The following DPYSL5 variants were observed in gnomAD, a reference collection of about 807,000 sequenced individuals.
DPYSL5 encodes the protein dihydropyrimidinase-related protein 5.
A neutral mutation model predicts 58.4 loss-of-function variants in DPYSL5; 9 were observed. That is an observed-to-expected ratio of 0.15 (90% CI 0.09 to 0.27). DPYSL5 has a LOEUF of 0.27. Among genes scored for constraint, DPYSL5 ranks in the 10% least tolerant of loss-of-function variants. DPYSL5 has a pLI of 1.00. For missense variants in DPYSL5, 499 were observed against 770.6 expected (o/e 0.65, Z 4.17); for synonymous variants, 293 against 301.9 (o/e 0.97, Z 0.31).
At chr2:26,885,544 C>T (rs1663695553) in intron 1 of DPYSL5, among the ~76,000 whole-genome samples, 1 of 152,178 alleles carries the variant, frequency 6.6e-6, no homozygotes, top group Non-Finnish European at 1.5e-5. Context: ...CTGCCCCGCC[C>T]CTGGGTTAAT....
At position 26,943,285 on chromosome 2, in the gene DPYSL5, C is replaced by G. The variant is rs79336298; in HGVS notation, c.1440+535C>G. On this transcript the variant is annotated intron_variant, in intron 11 of 12. Transcript: ENST00000288699. ...ACCAAGGACCCTTCTCTCCCAGAGG[C>G]CAATGAGTGAAGAAATCCACTGCCA... Among the ~76,000 whole-genome samples the G allele has an allele frequency of 1.3e-4, 20 of 152,130 alleles. No individual in the cohort carries two copies. The East Asian group carries it at 3.9e-3, about 29-fold the overall frequency.
Position 26,927,575 on chromosome 2 carries a change from G to T in DPYSL5, c.600+143G>T. 1 of 1,031,324 alleles carries T rather than the reference G, an allele frequency of 9.7e-7. No homozygotes were observed. The highest frequency in any genetic ancestry group is 1.4e-6 in the Non-Finnish European group (1 of 739,616). The allele number at this position is 1,031,324 out of a possible 1,614,324, so 63.9% of individuals were successfully genotyped here. ...AGTGTGAGGTGTGGACACCCCAGCT[G>T]TCAGATCTTGGTCAGAAAATCCAAA... On this transcript the variant is annotated intron_variant, in intron 4 of 12. Coordinates refer to ENST00000288699, the MANE Select transcript of DPYSL5 (RefSeq NM_020134.4). The surrounding 1 kb of genome is among the most constrained non-coding windows in gnomAD (Gnocchi z 4.3).
In DPYSL5 at chr2:26,947,603, G is replaced by GT. The variant is rs1187708382; in HGVS notation, c.*608_*609insT. On this transcript the variant is annotated 3_prime_UTR_variant, in exon 13 of 13. Coordinates refer to ENST00000288699, the MANE Select transcript of DPYSL5 (RefSeq NM_020134.4). This position sits in a 1 kb window ranked among gnomAD's most constrained non-coding sequence, Gnocchi z 4.2. Reference sequence around the variant, plus strand: ...TCTCCTGCGCCCCGCCCACACCCTCGGGGGGTCACAGGCCCAGAAGGGTAG... The same window carrying GT: ...TCTCCTGCGCCCCGCCCACACCCTCGTGGGGGTCACAGGCCCAGAAGGGTAG... The GT allele has an allele frequency of 2.9e-5, 1 of 34,458 alleles. No homozygotes were observed. The highest frequency in any genetic ancestry group is 9.8e-5 in the Non-Finnish European group (1 of 10,242). The allele number at this position is 34,458 out of a possible 1,614,324, so 2.1% of individuals were successfully genotyped here.
At chr2:26,855,626 CAT>C (rs1414558638) in intron 1 of DPYSL5, among the ~76,000 whole-genome samples, 1 of 152,186 alleles carries the variant, frequency 6.6e-6, no homozygotes, top group Non-Finnish European at 1.5e-5. Context: ...GTGTCTCCCA[CAT>C]GTTAGTAGTG....
chr2:26,914,249 C>T (rs1024683256), intron 2 of DPYSL5, among the ~76,000 whole-genome samples: 5 of 152,190 alleles, frequency 3.3e-5, no homozygotes, highest in Non-Finnish European at 4.4e-5. Flanking sequence ...TACCTCGCTG[C>T]GCTGATGCAG....
intron 5 of DPYSL5, among the ~76,000 whole-genome samples, chr2:26,931,345 G>A (rs1664983249): frequency 6.6e-6 from 1 of 150,932 alleles, no homozygotes; most frequent in South Asian, 2.1e-4. Context: ...GGTGGCTATG[G>A]AGAGAATACA....
At chr2:26,886,423 A>C (rs979312509) in intron 1 of DPYSL5, among the ~76,000 whole-genome samples, 5 of 152,186 alleles carry the variant, frequency 3.3e-5, no homozygotes, top group Admixed American at 6.5e-5. Context: ...GTCTAAATAA[A>C]TTATAAAAAA....
intron 2 of DPYSL5, among the ~76,000 whole-genome samples, chr2:26,910,670 G>T (rs1664415896): frequency 7.2e-6 from 1 of 138,248 alleles, no homozygotes; most frequent in African/African-American, 2.7e-5. Flanking sequence ...GGCCAGGCTG[G>T]TCCTGAATGA....
chr2:26,899,930 C>T (rs1319688514), intron 2 of DPYSL5, among the ~76,000 whole-genome samples: 1 of 152,194 alleles, frequency 6.6e-6, no homozygotes, highest in Non-Finnish European at 1.5e-5. Context: ...TGGGGAGCCC[C>T]ATCCTCATAA....
intron 8 of DPYSL5, chr2:26,938,794 GC>G (rs1390888305): frequency 6.6e-6 from 1 of 152,134 alleles, no homozygotes; most frequent in South Asian, 2.1e-4. Flanking sequence ...TGGGACCCCT[GC>G]CCCTGACCTT....
chr2:26,851,208 C>T (rs938893855), intron 1 of DPYSL5, among the ~76,000 whole-genome samples: 1 of 152,086 alleles, frequency 6.6e-6, no homozygotes, highest in African/African-American at 2.4e-5. Context: ...TTGTTGGCTT[C>T]TTTTTTGTAA....
chr2:26,935,559 T>C (rs1044723490), intron 8 of DPYSL5, among the ~76,000 whole-genome samples: 2 of 151,824 alleles, frequency 1.3e-5, no homozygotes, highest in Admixed American at 1.3e-4. Context: ...CATGGTGGTG[T>C]GTGCCTGTAA....
rs1368676077 is a variant in DPYSL5 at position 26,931,195 on chromosome 2, G to A, written c.670-445G>A. Among the ~76,000 whole-genome samples, 27 of 53,958 alleles carry A rather than the reference G, an allele frequency of 5.0e-4. No homozygotes were observed. The South Asian group carries it at 0.018, about 35-fold the overall frequency. 35.4% of individuals were successfully genotyped at this position (53,958 alleles called of 152,430 possible). ...TGTGTGTGTGTGTGTGTGTGTGTGTGTGTGTGTGTATATATATATATATAT... is the reference window on the plus strand; with the variant it reads ...TGTGTGTGTGTGTGTGTGTGTGTGTATGTGTGTGTATATATATATATATAT... On this transcript the variant is annotated intron_variant, in intron 5 of 12. Transcript: ENST00000288699.
intron 1 of DPYSL5, among the ~76,000 whole-genome samples, chr2:26,890,317 G>GTTATAGAACAC (rs1257836225): frequency 1.2e-4 from 18 of 152,330 alleles, no homozygotes; most frequent in African/African-American, 4.3e-4. Flanking sequence ...AAGGAGTGAA[G>GTTATAGAACAC]TTATAGAACA....
intron 1 of DPYSL5, among the ~76,000 whole-genome samples, chr2:26,876,999 C>T (rs1483725734): frequency 7.1e-6 from 1 of 140,982 alleles, no homozygotes; most frequent in East Asian, 2.1e-4. Flanking sequence ...CGAAGTCTCG[C>T]TCTTGTCCCC....
At chr2:26,852,590 C>T (rs941584539) in intron 1 of DPYSL5, among the ~76,000 whole-genome samples, 1 of 152,184 alleles carries the variant, frequency 6.6e-6, no homozygotes, top group Non-Finnish European at 1.5e-5. Context: ...TACTTGTTCC[C>T]TCGCCTCCCT....
chr2:26,902,158 C>T (rs907766061), intron 2 of DPYSL5, among the ~76,000 whole-genome samples: 1 of 152,142 alleles, frequency 6.6e-6, no homozygotes, highest in African/African-American at 2.4e-5. Flanking sequence ...AGGTTATCTC[C>T]GTGGGGTGGC....
In DPYSL5 at chr2:26,950,007, T is replaced by TGTGC. The variant is rs772845047; in HGVS notation, c.*3020_*3023dup. ...AGAAAATTGTGCTACTGTGTGTGCGTGTGCGTGCGTGTGTGTAGTGCTAGG... is the reference window on the plus strand; with the variant it reads ...AGAAAATTGTGCTACTGTGTGTGCGTGTGCGTGCGTGCGTGTGTGTAGTGCTAGG... On this transcript the variant is annotated 3_prime_UTR_variant, in exon 13 of 13. Coordinates refer to ENST00000288699, the MANE Select transcript of DPYSL5 (RefSeq NM_020134.4). The surrounding 1 kb of genome is among the most constrained non-coding windows in gnomAD (Gnocchi z 5.3). The TGTGC allele has an allele frequency of 6.6e-6, 1 of 152,446 alleles. No homozygotes were observed. Among genetic ancestry groups the TGTGC allele is most frequent in the Non-Finnish European group, 1.5e-5 (1 of 68,296 alleles). The allele number at this position is 152,446 out of a possible 1,614,324, so 9.4% of individuals were successfully genotyped here.
chr2:26,940,151 C>T lies in DPYSL5; in HGVS notation c.1068C>T (p.Ser356=), dbSNP rs1356196494. ...HGVSGVQDRM[S]VIWERGVVGG... ...TGAGTGGCGTGCAGGACCGCATGAG[C>T]GTCATCTGGGAGAGAGGAGTGGTAT... The change falls in exon 9 of 13, where the codon AGC becomes AGT. Residue 356 remains serine (S), a synonymous_variant. Coordinates refer to ENST00000288699, the MANE Select transcript of DPYSL5 (RefSeq NM_020134.4). 2 of 1,614,084 alleles carry T rather than the reference C, an allele frequency of 1.2e-6. No individual in the cohort carries two copies. The highest frequency in any genetic ancestry group is 8.5e-7 in the Non-Finnish European group (1 of 1,180,016).
Sources: gnomAD v4.1 joint callset for allele counts (sites outside exome capture counted in the v4.1 genomes callset) on GRCh38, gnomAD v4.1.1 for gene constraint, Gnocchi (gnomAD v3.1) non-coding constraint, MANE v1.5 for transcripts, NCBI Gene and HGNC (gene_info 2026-07-23, HGNC 2026-07-21) for gene names.